The following SLC12A7 variants were observed in gnomAD, a reference collection of about 807,000 sequenced individuals.
The protein encoded by SLC12A7 is solute carrier family 12 member 7, also known as K-Cl cotransporter 4.
A neutral mutation model predicts 120.6 loss-of-function variants in SLC12A7; 100 were observed. The observed-to-expected ratio is 0.83, with a 90% CI of 0.71 to 0.98. The LOEUF (loss-of-function observed/expected upper bound fraction) is 0.98. Among genes scored for constraint, SLC12A7 ranks in the 50% least tolerant of loss-of-function variants. The pLI is 0.00. For synonymous variants in SLC12A7, 760 were observed against 678.0 expected, an observed-to-expected ratio of 1.12 and a Z score of -1.88; for missense variants, 1,373 against 1,548.1, an observed-to-expected ratio of 0.89 and a Z score of 1.90.
chr5:1,082,130 G>A (rs562214751), intron 8 of SLC12A7, among the ~76,000 whole-genome samples: 1,533 of 140,016 alleles, frequency 0.011, 13 homozygotes, highest in Non-Finnish European at 0.013. Flanking sequence ...GGGCTTCCCC[G>A]TCTCGGGTTC....
At chr5:1,144,637 A>G in the SLC12A7 span, among the ~76,000 whole-genome samples, 1 of 152,224 alleles carries the variant, frequency 6.6e-6, no homozygotes, top group African/African-American at 2.4e-5. Context: ...AAACCAGCGG[A>G]CCGCACCACA....
At chr5:1,088,787 G>A (rs544571345) in intron 4 of SLC12A7, among the ~76,000 whole-genome samples, 195 bp downstream of exon 4, 3 of 152,332 alleles carry the variant, frequency 2.0e-5, no homozygotes, top group South Asian at 2.1e-4. Context: ...TCTCATCCCC[G>A]CAGCTGCCCG....
chr5:1,085,182 C>T, intron 7 of SLC12A7, 50 bp downstream of exon 7: 1 of 1,595,300 alleles, frequency 6.3e-7, no homozygotes. Context: ...GCCCATGGGA[C>T]CTGGCCCCAG....
the SLC12A7 span, among the ~76,000 whole-genome samples, chr5:1,142,612 CTG>C: frequency 1.4e-4 from 20 of 147,008 alleles, no homozygotes; most frequent in African/African-American, 5.1e-4. Context: ...TTTTCTGTCT[CTG>C]TGTCTCTGTC....
Position 1,052,394 on chromosome 5 carries a change from C to G in SLC12A7, c.3218G>C (p.Gly1073Ala), listed in dbSNP as rs1255584272. ...GATGGTGATCACCTCCCGGCCGCCA[C>G]CCCTGACCAGGAGGACTCTGTTCAG... ...EGLNRVLLVR[G>A]GGREVITIYS The change falls in exon 24 of 24, where the codon GGT becomes GCT. Residue 1073 changes from glycine to alanine, a missense_variant. Transcript: ENST00000264930. 6.2e-7 allele frequency: 1 copy of G among 1,612,896 alleles called. No individual in the cohort carries two copies. The highest frequency in any genetic ancestry group is 1.1e-5 in the South Asian group (1 of 91,082).
At position 1,064,156 on chromosome 5, in the gene SLC12A7, T is replaced by G. The variant is rs755811025; in HGVS notation, c.2534A>C (p.His845Pro). The change falls in exon 19 of 24, where the codon CAC (histidine) becomes CCC (proline). Residue 845 changes from histidine (H) to proline (P), a missense_variant. His to Pro is a moderately conservative substitution (Grantham distance 77, BLOSUM62 -2). Coordinates refer to ENST00000264930, the MANE Select transcript of SLC12A7 (RefSeq NM_006598.3). ...GTGCACGATCCACCACACGTCGATG[T>G]GGCCCCCGCCGAAGCGCTCCTGGTT... ...PQNQERFGGG[H>P]IDVWWIVHDG... is the part of the protein sequence containing the mutation. 1.2e-6 allele frequency: 2 copies of G among 1,612,146 alleles called. No homozygotes were observed. Among genetic ancestry groups the G allele is most frequent in the South Asian group, 1.1e-5 (1 of 91,060 alleles).
chr5:1,146,292 T>G, the SLC12A7 span, among the ~76,000 whole-genome samples: 2 of 151,546 alleles, frequency 1.3e-5, no homozygotes, highest in African/African-American at 2.4e-5. This position sits in a 1 kb window ranked among gnomAD's most constrained non-coding sequence, Gnocchi z 6.5. Flanking sequence ...TGGAGTGGAG[T>G]TGTGGGAGCC....
intron 1 of SLC12A7, among the ~76,000 whole-genome samples, chr5:1,095,801 G>T (rs1328753207): frequency 6.6e-6 from 1 of 152,218 alleles, no homozygotes; most frequent in Non-Finnish European, 1.5e-5. Context: ...AGCAAAGAGG[G>T]CATCGCCGTC....
Position 1,077,940 on chromosome 5 carries a change from C to T in SLC12A7, c.1522G>A (p.Val508Ile), listed in dbSNP as rs756646271. The T allele has an allele frequency of 2.4e-5, 38 of 1,601,690 alleles. No individual in the cohort carries two copies. Among genetic ancestry groups the T allele is most frequent in the East Asian group, 6.8e-5 (3 of 44,202 alleles). The change falls in exon 12 of 24, where the codon GTC (valine) becomes ATC (isoleucine). Residue 508 changes from valine to isoleucine, a missense_variant. Physicochemically the swap from Val to Ile is conservative, Grantham distance 29. Coordinates refer to ENST00000264930, the MANE Select transcript of SLC12A7 (RefSeq NM_006598.3). ...CAGGTGGAGAAGAAGGAGCCGATGA[C>T]GATGACCCAGGGGGAGGGCCAGGCC... ...MLAWPSPWVI[V>I]IGSFFSTCGA...
chr5:1,064,132 T>G lies in SLC12A7; in HGVS notation c.2558A>C (p.His853Pro). 9 of 1,611,756 alleles carry G rather than the reference T, an allele frequency of 5.6e-6. No individual in the cohort carries two copies. Among genetic ancestry groups the G allele is most frequent in the Non-Finnish European group, 7.6e-6 (9 of 1,179,374 alleles). The change falls in exon 19 of 24, where the codon CAC (histidine) becomes CCC (proline). Residue 853 changes from histidine (H) to proline (P), a missense_variant. By Grantham distance (77) the His-to-Pro change is moderately conservative. Coordinates refer to ENST00000264930, the MANE Select transcript of SLC12A7 (RefSeq NM_006598.3). ...GGHIDVWWIV[H>P]DGGMLMLLPF... ...CAGCAGCATGAGCATGCCGCCGTCG[T>G]GCACGATCCACCACACGTCGATGTG...
chr5:1,135,684 G>A, the SLC12A7 span, among the ~76,000 whole-genome samples: 1 of 152,220 alleles, frequency 6.6e-6, no homozygotes, highest in Non-Finnish European at 1.5e-5. Context: ...GTGCATGAGT[G>A]GTGACAGTGT....
At chr5:1,083,293 G>T (rs1579385162) in intron 8 of SLC12A7, among the ~76,000 whole-genome samples, 1 of 152,146 alleles carries the variant, frequency 6.6e-6, no homozygotes, top group South Asian at 2.1e-4. Flanking sequence ...GTTCTGGAAA[G>T]TCCGGGCTTC....
At chr5:1,113,877 C>T (rs1328376863), upstream of SLC12A7, among the ~76,000 whole-genome samples, 3 of 152,208 alleles carry the variant, frequency 2.0e-5, no homozygotes, top group African/African-American at 7.2e-5. Flanking sequence ...TGCCACCCAG[C>T]GCTATTCCCG....
At chr5:1,054,579 G>C (rs543042480) in intron 22 of SLC12A7, among the ~76,000 whole-genome samples, 1 of 152,222 alleles carries the variant, frequency 6.6e-6, no homozygotes, top group Non-Finnish European at 1.5e-5. Context: ...AAGTCGGAGC[G>C]GGTCTCAGGC....
At chr5:1,075,245 G>C in intron 15 of SLC12A7, 126 bp downstream of exon 15, 1 of 1,339,510 alleles carries the variant, frequency 7.5e-7, no homozygotes, top group Non-Finnish European at 1.0e-6. Flanking sequence ...GCTCCCAGCT[G>C]CCCCTGTGAG....
intron 1 of SLC12A7, among the ~76,000 whole-genome samples, chr5:1,099,056 C>A (rs1464117304): frequency 2.0e-5 from 3 of 152,020 alleles, no homozygotes; most frequent in African/African-American, 7.2e-5. Flanking sequence ...AGGGTCCTTG[C>A]CAGGTGGCCC....
the SLC12A7 span, among the ~76,000 whole-genome samples, chr5:1,137,385 A>C: frequency 1.3e-5 from 2 of 152,062 alleles, no homozygotes; most frequent in Non-Finnish European, 2.9e-5. Context: ...TCCATCCCTG[A>C]CTGCCTGCCT....
intron 9 of SLC12A7, 60 bp from the exon 10 acceptor site, chr5:1,079,556 G>T: frequency 7.3e-7 from 1 of 1,360,796 alleles, no homozygotes; most frequent in Non-Finnish European, 1.1e-6. Flanking sequence ...TGTGATGGCA[G>T]CCCCTGCCCA....
chr5:1,094,945 C>T (rs1308166154), intron 1 of SLC12A7, among the ~76,000 whole-genome samples: 3 of 147,154 alleles, frequency 2.0e-5, no homozygotes, highest in African/African-American at 7.5e-5. Flanking sequence ...GGGAGGAGGA[C>T]TTGAGGCTCC....
Sources: allele counts gnomAD v4.1 joint callset (sites outside exome capture counted in the v4.1 genomes callset), GRCh38; gene constraint gnomAD v4.1.1; non-coding constraint Gnocchi (gnomAD v3.1); transcripts MANE v1.5; gene names NCBI Gene and HGNC (gene_info 2026-07-23, HGNC 2026-07-21).